RPSA2: variants seen among roughly 807,000 people sequenced by gnomAD.
RPSA2 encodes small ribosomal subunit protein uS2B.
At chr19:23,837,842 C>A in the RPSA2 span, among the ~76,000 whole-genome samples, 2 of 152,090 alleles carry the variant, frequency 1.3e-5, no homozygotes, top group Admixed American at 1.3e-4. Flanking sequence ...GTTCTAGGAG[C>A]TTTCTGGAGG....
At chr19:23,863,188 C>A in the RPSA2 span, among the ~76,000 whole-genome samples, 5 of 152,112 alleles carry the variant, frequency 3.3e-5, no homozygotes, top group Admixed American at 6.6e-5. Flanking sequence ...CAAATACAAG[C>A]AAACTTGGCT....
At chr19:23,798,209 A>C in the RPSA2 span, among the ~76,000 whole-genome samples, 1 of 152,184 alleles carries the variant, frequency 6.6e-6, no homozygotes, top group Non-Finnish European at 1.5e-5. Context: ...GAGCACACAA[A>C]AGTTTAGCAT....
the RPSA2 span, among the ~76,000 whole-genome samples, chr19:23,781,543 T>G: frequency 6.6e-6 from 1 of 151,618 alleles, no homozygotes; most frequent in South Asian, 2.1e-4. Context: ...TTCACCATGT[T>G]GGTCAGGCTG....
At chr19:23,810,964 T>G in the RPSA2 span, among the ~76,000 whole-genome samples, 3 of 152,046 alleles carry the variant, frequency 2.0e-5, no homozygotes, top group Non-Finnish European at 4.4e-5. Flanking sequence ...TTAGCAGAGT[T>G]TCACAACTCC....
the RPSA2 span, among the ~76,000 whole-genome samples, chr19:23,851,575 T>A: frequency 6.6e-6 from 1 of 152,228 alleles, no homozygotes; most frequent in Admixed American, 6.5e-5. Flanking sequence ...TTTAGTGGCA[T>A]GCATAACATA....
the RPSA2 span, among the ~76,000 whole-genome samples, chr19:23,867,365 C>T: frequency 6.6e-6 from 1 of 152,178 alleles, no homozygotes; most frequent in African/African-American, 2.4e-5. Flanking sequence ...ATATAGCTAT[C>T]AATTTATGGG....
chr19:23,845,092 G>A, the RPSA2 span, among the ~76,000 whole-genome samples: 42 of 146,394 alleles, frequency 2.9e-4, no homozygotes, highest in African/African-American at 1.0e-3. Flanking sequence ...TTGTATTGCT[G>A]TTGTATCCAT....
chr19:23,763,937 T>C, the RPSA2 span, among the ~76,000 whole-genome samples: 2 of 152,108 alleles, frequency 1.3e-5, no homozygotes, highest in Admixed American at 6.5e-5. Flanking sequence ...AATGCAAGAA[T>C]TGGTTAGTTA....
At chr19:23,801,521 G>A in the RPSA2 span, among the ~76,000 whole-genome samples, 12 of 152,140 alleles carry the variant, frequency 7.9e-5, no homozygotes, top group Non-Finnish European at 7.4e-5. Flanking sequence ...GATTACAGGC[G>A]TGAGCCACTG....
chr19:23,866,853 A>C, the RPSA2 span, among the ~76,000 whole-genome samples: 27 of 152,332 alleles, frequency 1.8e-4, no homozygotes, highest in African/African-American at 6.3e-4. Flanking sequence ...GACATTTGCC[A>C]GCAGAATACA....
chr19:23,852,443 C>G, the RPSA2 span, among the ~76,000 whole-genome samples: 1 of 152,086 alleles, frequency 6.6e-6, no homozygotes, highest in Admixed American at 6.5e-5. Context: ...GATTTACCTA[C>G]GTATTTACTA....
the RPSA2 span, among the ~76,000 whole-genome samples, chr19:23,869,854 G>A: frequency 2.0e-5 from 3 of 152,170 alleles, no homozygotes; most frequent in Admixed American, 1.3e-4. Flanking sequence ...TGTCACATTT[G>A]TAAAGAATAT....
the RPSA2 span, chr19:23,799,346 C>G: frequency 2.6e-5 from 4 of 152,210 alleles, no homozygotes; most frequent in South Asian, 8.3e-4. Flanking sequence ...CTATCTCTAT[C>G]TGGATGCATG....
chr19:23,808,427 C>T, the RPSA2 span, among the ~76,000 whole-genome samples: 28 of 151,940 alleles, frequency 1.8e-4, no homozygotes, highest in African/African-American at 6.3e-4. Flanking sequence ...CCACCATGCC[C>T]AGCTAATTTT....
At chr19:23,844,895 G>A in the RPSA2 span, among the ~76,000 whole-genome samples, 1 of 150,212 alleles carries the variant, frequency 6.7e-6, no homozygotes, top group Admixed American at 6.6e-5. Context: ...CTAGTTCTGA[G>A]CTTTTCTTTT....
chr19:23,825,010 C>T, the RPSA2 span, among the ~76,000 whole-genome samples: 169 of 151,666 alleles, frequency 1.1e-3, 1 homozygote, highest in African/African-American at 3.7e-3. Context: ...GATGGAGTCT[C>T]GCTCTGTTTC....
chr19:23,775,191 T>G, the RPSA2 span, among the ~76,000 whole-genome samples: 1 of 152,170 alleles, frequency 6.6e-6, no homozygotes, highest in African/African-American at 2.4e-5. Context: ...TATGCACACT[T>G]TGCCAGTTGT....
At chr19:23,810,394 CAAA>C in the RPSA2 span, among the ~76,000 whole-genome samples, 26 of 13,060 alleles carry the variant, frequency 2.0e-3, 2 homozygotes, top group African/African-American at 7.0e-3. Context: ...ACTCCCTCTC[CAAA>C]AAAAAAAAAA....
At chr19:23,762,024 TCTC>T in the RPSA2 span, among the ~76,000 whole-genome samples, 50 of 151,046 alleles carry the variant, frequency 3.3e-4, no homozygotes, top group African/African-American at 1.1e-3. Context: ...TGCAAGCAGT[TCTC>T]CTGCCTCAGC....
Sources: allele counts gnomAD v4.1 joint callset (sites outside exome capture counted in the v4.1 genomes callset), GRCh38; gene constraint gnomAD v4.1.1; transcripts MANE v1.5; gene names NCBI Gene and HGNC (gene_info 2026-07-23, HGNC 2026-07-21).